The following PDCD7 variants were observed in gnomAD, a reference collection of about 807,000 sequenced individuals.
The protein encoded by PDCD7 is programmed cell death 7.
In PDCD7, 40 loss-of-function variants were observed where a neutral mutation model predicts 42.1. The observed-to-expected ratio is 0.95, with a 90% CI of 0.74 to 1.24. PDCD7 has a LOEUF of 1.24. Among genes scored for constraint, PDCD7 ranks in the 50% most tolerant of loss-of-function variants. The pLI, the probability that PDCD7 is intolerant of heterozygous loss-of-function variation, is 0.00. For missense variants in PDCD7, 644 were observed against 662.8 expected, an observed-to-expected ratio of 0.97 and a Z score of 0.31; for synonymous variants, 299 against 303.3, an observed-to-expected ratio of 0.99 and a Z score of 0.15.
In PDCD7 at chr15:65,133,297, G is replaced by A. The variant is rs1347151658; in HGVS notation, c.485C>T (p.Pro162Leu). 12 of 1,308,958 alleles carry A rather than the reference G, an allele frequency of 9.2e-6. No homozygotes were observed. Among genetic ancestry groups the A allele is most frequent in the African/African-American group, 7.7e-5 (5 of 64,690 alleles). The allele number at this position is 1,308,958 out of a possible 1,614,324, so 81.1% of individuals were successfully genotyped here. Residue 162 changes from proline to leucine, a missense_variant, in exon 1 of 5, where the codon CCC becomes CTC. Transcript: ENST00000204549. ...GTPRRAGCPV[P>L]QRTHAGPSLG... Reference sequence around the variant, plus strand: ...GCTGGGCCCGGCATGCGTGCGCTGGGGCACCGGACAGCCTGCCCGCCGCGG... The same window carrying A: ...GCTGGGCCCGGCATGCGTGCGCTGGAGCACCGGACAGCCTGCCCGCCGCGG...
intron 2 of PDCD7, among the ~76,000 whole-genome samples, chr15:65,125,601 A>T (rs2140582029): frequency 6.6e-6 from 1 of 152,320 alleles, no homozygotes; most frequent in South Asian, 2.1e-4. Flanking sequence ...TCTTGATAAT[A>T]AAAAGAATAA....
At chr15:65,128,680 A>G (rs1595928555) in intron 2 of PDCD7, among the ~76,000 whole-genome samples, 1 of 152,216 alleles carries the variant, frequency 6.6e-6, no homozygotes, top group African/African-American at 2.4e-5. Flanking sequence ...TGGAGCAACA[A>G]GTAAGGGTGA....
At chr15:65,128,236 G>A (rs1309741780) in intron 2 of PDCD7, among the ~76,000 whole-genome samples, 1 of 152,186 alleles carries the variant, frequency 6.6e-6, no homozygotes, top group Non-Finnish European at 1.5e-5. Flanking sequence ...AAATCAGCAT[G>A]TGGTCCAAAG....
intron 2 of PDCD7, among the ~76,000 whole-genome samples, chr15:65,120,767 C>G (rs945486739): frequency 6.6e-6 from 1 of 152,064 alleles, no homozygotes; most frequent in Non-Finnish European, 1.5e-5. Context: ...AGGCTAATCT[C>G]TAACTCCTGG....
intron 4 of PDCD7, chr15:65,119,153 C>T: frequency 2.0e-6 from 1 of 492,172 alleles, no homozygotes; most frequent in Non-Finnish European, 3.6e-6. Context: ...TTTTCTTCAC[C>T]TATAAAAATA....
At chr15:65,129,270 C>T in intron 1 of PDCD7, 100 bp from the exon 2 acceptor site, 1 of 1,321,320 alleles carries the variant, frequency 7.6e-7, no homozygotes, top group Non-Finnish European at 1.1e-6. Flanking sequence ...AGACAGTCTC[C>T]AGGTTAAGAG....
Position 65,133,054 on chromosome 15 carries a change from C to G in PDCD7, c.728G>C (p.Arg243Pro). Reference sequence around the variant, plus strand: ...CTCGCGAAGCCGCAGCCGGCGGCGCCGGACCCTCTCCAGCCTCCTCCGCGC... The same window carrying G: ...CTCGCGAAGCCGCAGCCGGCGGCGCGGGACCCTCTCCAGCCTCCTCCGCGC... ...GEARRRLERV[R>P]RRRLRLRERA... Residue 243 changes from arginine (R) to proline (P), a missense_variant, in exon 1 of 5, where the codon CGG becomes CCG. By Grantham distance (103) the Arg-to-Pro change is moderately radical (BLOSUM62 -2). Coordinates refer to ENST00000204549, the MANE Select transcript of PDCD7 (RefSeq NM_005707.2). The G allele has an allele frequency of 6.3e-7, 1 of 1,588,302 alleles. No homozygotes were observed. Among genetic ancestry groups the G allele is most frequent in the East Asian group, 2.3e-5 (1 of 44,322 alleles).
At chr15:65,120,103 C>T (rs1318812196) in intron 2 of PDCD7, 149 bp from the exon 3 acceptor site, 1 of 756,294 alleles carries the variant, frequency 1.3e-6, no homozygotes, top group East Asian at 2.6e-5. Flanking sequence ...ACCTTGGCTT[C>T]CCAAGTAGCT....
At position 65,119,407 on chromosome 15, in the gene PDCD7, C is replaced by G. The variant is rs367592671; in HGVS notation, c.1303G>C (p.Glu435Gln). The G allele has an allele frequency of 1.4e-5, 22 of 1,613,902 alleles. No individual in the cohort carries two copies. The highest frequency in any genetic ancestry group is 1.8e-5 in the Non-Finnish European group (21 of 1,179,906). The change falls in exon 4 of 5, where the codon GAG (glutamate) becomes CAG (glutamine). Residue 435 changes from glutamate to glutamine, a missense_variant. Coordinates refer to ENST00000204549, the MANE Select transcript of PDCD7 (RefSeq NM_005707.2). ...EPFRQYYLQAEHSLPALIQIR... is the reference protein window; with the variant it reads ...EPFRQYYLQAQHSLPALIQIR... ...TGGATGAGCGCTGGCAGGGAGTGCT[C>G]GGCTTGGAGATAATACTGTCGGAAA... is the stretch of plus-strand genomic sequence containing the variant.
intron 1 of PDCD7, among the ~76,000 whole-genome samples, chr15:65,131,715 C>T (rs2087541413): frequency 6.6e-6 from 1 of 152,106 alleles, no homozygotes; most frequent in South Asian, 2.1e-4. Context: ...TGCCATTGCA[C>T]TCCAGCCTGG....
intron 2 of PDCD7, among the ~76,000 whole-genome samples, chr15:65,125,412 T>C (rs2087487772): frequency 6.6e-6 from 1 of 152,210 alleles, no homozygotes; most frequent in South Asian, 2.1e-4. Flanking sequence ...GATGTTGCTC[T>C]TTCCTTTTCT....
At chr15:65,132,881 T>G (rs1472711200) in intron 1 of PDCD7, 31 bp downstream of exon 1, 1 of 1,599,836 alleles carries the variant, frequency 6.3e-7, no homozygotes, top group East Asian at 2.2e-5. Context: ...CCACCACCAC[T>G]CCTACCCCCA....
At chr15:65,125,133 T>G (rs766207741) in intron 2 of PDCD7, among the ~76,000 whole-genome samples, 5 of 152,206 alleles carry the variant, frequency 3.3e-5, no homozygotes, top group Non-Finnish European at 5.9e-5. Flanking sequence ...TACACACTCA[T>G]GTGCATCACT....
intron 2 of PDCD7, among the ~76,000 whole-genome samples, chr15:65,127,103 T>C (rs907000754): frequency 6.6e-6 from 1 of 152,178 alleles, no homozygotes; most frequent in Non-Finnish European, 1.5e-5. Flanking sequence ...CTCTCTCTCC[T>C]GGATGCTCCA....
At chr15:65,121,383 C>G (rs1396295109) in intron 2 of PDCD7, among the ~76,000 whole-genome samples, 11 of 152,118 alleles carry the variant, frequency 7.2e-5, no homozygotes. Flanking sequence ...TGGTCTTGAT[C>G]CTCCACTTGA....
chr15:65,133,046 G>C lies in PDCD7; in HGVS notation c.736C>G (p.Arg246Gly). 1 of 1,591,018 alleles carries C rather than the reference G, an allele frequency of 6.3e-7. No homozygotes were observed. Among genetic ancestry groups the C allele is most frequent in the Non-Finnish European group, 8.5e-7 (1 of 1,174,680 alleles). The change falls in exon 1 of 5, where the codon CGG becomes GGG. Residue 246 changes from arginine to glycine, a missense_variant. Transcript: ENST00000204549. ...CGGGCCCTCTCGCGAAGCCGCAGCC[G>C]GCGGCGCCGGACCCTCTCCAGCCTC... ...RRRLERVRRRRLRLRERARER... is the reference protein window; with the variant it reads ...RRRLERVRRRGLRLRERARER...
intron 2 of PDCD7, among the ~76,000 whole-genome samples, chr15:65,122,095 G>GA (rs2087459899): frequency 1.3e-5 from 2 of 152,184 alleles, no homozygotes; most frequent in African/African-American, 4.8e-5. Context: ...AGCACTTTGG[G>GA]AGACTGAGGC....
chr15:65,122,934 G>A (rs111900672), intron 2 of PDCD7, among the ~76,000 whole-genome samples: 30 of 151,570 alleles, frequency 2.0e-4, no homozygotes, highest in African/African-American at 5.8e-4. Context: ...ACCAGAAAGC[G>A]GGGCTTACAG....
At chr15:65,122,208 C>A (rs553943601) in intron 2 of PDCD7, among the ~76,000 whole-genome samples, 2 of 151,972 alleles carry the variant, frequency 1.3e-5, no homozygotes, top group East Asian at 1.9e-4. Flanking sequence ...TGGTGGCGTG[C>A]GCCTGTAGTT....
Sources: allele counts gnomAD v4.1 joint callset (sites outside exome capture counted in the v4.1 genomes callset), GRCh38; gene constraint gnomAD v4.1.1; transcripts MANE v1.5; gene names NCBI Gene and HGNC (gene_info 2026-07-23, HGNC 2026-07-21).